Variants in SNTG2 observed in about 807,000 individuals in gnomAD.
SNTG2 encodes gamma-2-syntrophin.
A neutral mutation model predicts 70.9 loss-of-function variants in SNTG2; 74 were observed. The observed-to-expected ratio is 1.04, with a 90% CI of 0.86 to 1.27. The LOEUF is 1.27. Among genes scored for constraint, SNTG2 ranks in the 50% most tolerant of loss-of-function variants. The pLI is 0.00. For synonymous variants in SNTG2, 278 were observed against 273.8 expected (o/e 1.02, Z -0.15); for missense variants, 717 against 690.7 (o/e 1.04, Z -0.43).
At chr2:1,197,545 G>GTATA (rs1421640397) in intron 8 of SNTG2, among the ~76,000 whole-genome samples, 5 of 142,322 alleles carry the variant, frequency 3.5e-5, no homozygotes, top group East Asian at 2.2e-4. Context: ...GTGTGTGTGT[G>GTATA]TGTGTATATT....
At chr2:1,029,012 A>C (rs973980624) in intron 1 of SNTG2, among the ~76,000 whole-genome samples, 3 of 152,194 alleles carry the variant, frequency 2.0e-5, no homozygotes, top group Admixed American at 2.0e-4. Flanking sequence ...CCTTCTGTCC[A>C]GGCTGGAGTG....
chr2:1,087,292 TTTC>T (rs1376004453), intron 2 of SNTG2, among the ~76,000 whole-genome samples: 12 of 152,360 alleles, frequency 7.9e-5, no homozygotes, highest in Non-Finnish European at 1.6e-4. Context: ...CTTTCCTCTC[TTTC>T]TTCTTCCCAG....
intron 4 of SNTG2, 31 bp from the exon 5 acceptor site, chr2:1,137,591 T>G (rs764247700): frequency 6.2e-7 from 1 of 1,608,582 alleles, no homozygotes; most frequent in East Asian, 2.2e-5. Flanking sequence ...AGATTTCTCT[T>G]AAAACTGTTG....
At chr2:985,612 A>G (rs1439603308) in intron 1 of SNTG2, among the ~76,000 whole-genome samples, 1 of 152,112 alleles carries the variant, frequency 6.6e-6, no homozygotes, top group Non-Finnish European at 1.5e-5. Context: ...TCAGAGAGAA[A>G]CAGATGCTGG....
chr2:955,892 C>G (rs1175920395), intron 1 of SNTG2, among the ~76,000 whole-genome samples: 1 of 152,206 alleles, frequency 6.6e-6, no homozygotes, highest in Admixed American at 6.5e-5. Context: ...CTTTTAGAAG[C>G]TGGTGCCAGG....
At chr2:1,306,766 C>T (rs1240516754) in intron 14 of SNTG2, among the ~76,000 whole-genome samples, 2 of 149,232 alleles carry the variant, frequency 1.3e-5, no homozygotes, top group African/African-American at 5.0e-5. Flanking sequence ...CAGCCATGTG[C>T]TGTGTGTCAC....
At chr2:1,351,395 T>C (rs1338837330) in intron 16 of SNTG2, among the ~76,000 whole-genome samples, 1 of 152,150 alleles carries the variant, frequency 6.6e-6, no homozygotes, top group African/African-American at 2.4e-5. Flanking sequence ...CATTATTTGC[T>C]GAAGGGGAAA....
At chr2:1,090,942 G>A (rs1480544159) in intron 2 of SNTG2, among the ~76,000 whole-genome samples, 5 of 152,098 alleles carry the variant, frequency 3.3e-5, no homozygotes, top group East Asian at 1.9e-4. Flanking sequence ...TCTATCTACC[G>A]GGAGACTGCC....
intron 8 of SNTG2, among the ~76,000 whole-genome samples, chr2:1,208,400 G>A (rs1572729079): frequency 1.3e-5 from 2 of 152,198 alleles, no homozygotes. Context: ...CAGCGAGCCC[G>A]GCTCTGAGAT....
intron 2 of SNTG2, among the ~76,000 whole-genome samples, chr2:1,095,894 C>T (rs763470046): frequency 8.5e-5 from 13 of 152,150 alleles, no homozygotes; most frequent in East Asian, 1.9e-4. Flanking sequence ...AACTCAGAAG[C>T]GTAAGGCTGT....
Position 1,071,001 on chromosome 2 carries a change from T to G in SNTG2, c.73-12517T>G, listed in dbSNP as rs183307519. ...GTCACTGGGGGGTGGCCACATTCAATGCGTTGGCAATACTGGGGGGTGGCC... is the reference window on the plus strand; with the variant it reads ...GTCACTGGGGGGTGGCCACATTCAAGGCGTTGGCAATACTGGGGGGTGGCC... On this transcript the variant is annotated intron_variant, in intron 1 of 16. Coordinates refer to ENST00000308624, the MANE Select transcript of SNTG2 (RefSeq NM_018968.4). Among the ~76,000 whole-genome samples, 458 of 152,154 alleles carry G rather than the reference T, an allele frequency of 3.0e-3. 9 individuals carry two copies. The highest frequency in any genetic ancestry group is 0.029 in the Admixed American group (445 of 15,290).
intron 6 of SNTG2, chr2:1,160,402 A>C (rs919820667): frequency 6.6e-6 from 1 of 152,114 alleles, no homozygotes; most frequent in African/African-American, 2.4e-5. Flanking sequence ...TAAACTATCA[A>C]ATGTGTTATA....
chr2:1,183,422 C>A (rs1039569598), intron 8 of SNTG2, among the ~76,000 whole-genome samples: 3 of 152,130 alleles, frequency 2.0e-5, no homozygotes, highest in African/African-American at 7.2e-5. Flanking sequence ...TTTAGCAGAT[C>A]CTACTCGGCA....
chr2:1,181,115 C>CTAAA (rs921287228), intron 8 of SNTG2, among the ~76,000 whole-genome samples: 1 of 151,940 alleles, frequency 6.6e-6, no homozygotes, highest in African/African-American at 2.4e-5. Context: ...ATACCTAATG[C>CTAAA]TAAATGACAA....
intron 1 of SNTG2, among the ~76,000 whole-genome samples, chr2:982,291 C>T (rs903720054): frequency 6.6e-6 from 1 of 152,126 alleles, no homozygotes; most frequent in Non-Finnish European, 1.5e-5. Context: ...TAAAGTAAGC[C>T]TTACAGTTAC....
intron 15 of SNTG2, among the ~76,000 whole-genome samples, chr2:1,310,246 G>A (rs377512479): frequency 2.0e-5 from 3 of 152,066 alleles, no homozygotes; most frequent in East Asian, 1.9e-4. Flanking sequence ...TTCCAGGAGC[G>A]AAACGCTGGC....
intron 9 of SNTG2, among the ~76,000 whole-genome samples, chr2:1,234,586 GC>G (rs1558574802): frequency 1.3e-5 from 2 of 152,172 alleles, no homozygotes; most frequent in Non-Finnish European, 2.9e-5. Flanking sequence ...TGTCCAGCCT[GC>G]CTCATGAAGC....
At chr2:986,181 A>G (rs1423292175) in intron 1 of SNTG2, among the ~76,000 whole-genome samples, 1 of 151,638 alleles carries the variant, frequency 6.6e-6, no homozygotes, top group Non-Finnish European at 1.5e-5. Flanking sequence ...CTGGGGAAGC[A>G]CTGAGCACAG....
At chr2:1,161,771 C>G (rs1670294811) in intron 6 of SNTG2, 1 of 152,174 alleles carries the variant, frequency 6.6e-6, no homozygotes. Context: ...TAAATCCAAT[C>G]TTTAATTAAA....
Sources: allele counts gnomAD v4.1 joint callset (sites outside exome capture counted in the v4.1 genomes callset), GRCh38; gene constraint gnomAD v4.1.1; transcripts MANE v1.5; gene names NCBI Gene and HGNC (gene_info 2026-07-23, HGNC 2026-07-21).